Variants in YY1 observed in about 807,000 individuals in gnomAD.
YY1 encodes YY1 transcription factor, also known as transcriptional repressor protein YY1.
A neutral mutation model predicts 35.6 loss-of-function variants in YY1; 2 were observed. The observed-to-expected ratio is 0.06, with a 90% CI of 0.02 to 0.18. The LOEUF (loss-of-function observed/expected upper bound fraction) is 0.18. YY1 is among the 10% of genes least tolerant of loss of function. The probability of loss-of-function intolerance (pLI) is 1.00; values close to 1 mark genes in which losing one functional copy is unlikely to be tolerated. For missense variants in YY1, 322 were observed against 573.4 expected (o/e 0.56, Z 4.48); for synonymous variants, 268 against 238.9 (o/e 1.12, Z -1.12).
chr14:100,248,445 T>A (rs1191674375), intron 1 of YY1, among the ~76,000 whole-genome samples: 2 of 151,914 alleles, frequency 1.3e-5, no homozygotes, highest in African/African-American at 4.8e-5. Flanking sequence ...AAAGCAAGAG[T>A]CTTCCATTTT....
intron 2 of YY1, among the ~76,000 whole-genome samples, chr14:100,265,008 A>G (rs2139592401): frequency 6.6e-6 from 1 of 152,110 alleles, no homozygotes; most frequent in South Asian, 2.1e-4. Context: ...TCGTTTGAAC[A>G]TGGGAGGTCA....
intron 1 of YY1, among the ~76,000 whole-genome samples, chr14:100,256,531 T>A (rs530677980): frequency 1.3e-5 from 2 of 152,364 alleles, no homozygotes; most frequent in South Asian, 4.1e-4. Flanking sequence ...GAATGGAATG[T>A]TGTTATATGT....
In YY1 at chr14:100,249,924, C is replaced by T. The variant is rs984404618; in HGVS notation, c.679+10001C>T. Reference sequence around the variant, plus strand: ...GAGTAGCTGAGACTGCAGGTGCCTGCCACCACACCTAGCTAATTTTGTATT... The same window carrying T: ...GAGTAGCTGAGACTGCAGGTGCCTGTCACCACACCTAGCTAATTTTGTATT... On this transcript the variant is annotated intron_variant, in intron 1 of 4. Transcript: ENST00000262238. 2.0e-5 allele frequency among the ~76,000 whole-genome samples: 3 copies of T among 152,078 alleles called. No homozygotes were observed. In the East Asian group the frequency reaches 5.8e-4, roughly 29 times the overall value.
rs10694000 is a variant in YY1 at position 100,248,121 on chromosome 14, C to CTTT, written c.679+8210_679+8212dup. On this transcript the variant is annotated intron_variant, in intron 1 of 4. Transcript: ENST00000262238. ...CACCACGCCCGGCTAATTTTTTTTT[C>CTTT]TTTTTTTTTTTTTTGAGACAGTCTC... Among the ~76,000 whole-genome samples the CTTT allele has an allele frequency of 3.8e-3, 447 of 117,604 alleles. 13 individuals are homozygous for CTTT. The highest frequency in any genetic ancestry group is 5.1e-3 in the Non-Finnish European group (307 of 60,492). The allele number at this position is 117,604 out of a possible 152,430, so 77.2% of individuals were successfully genotyped here.
chr14:100,272,493 C>G (rs976568823), intron 2 of YY1, among the ~76,000 whole-genome samples: 3 of 151,854 alleles, frequency 2.0e-5, no homozygotes, highest in Admixed American at 6.6e-5. Context: ...CATCCTTTTC[C>G]CAGATTATAA....
chr14:100,276,791 G>C lies in YY1; in HGVS notation c.1062+143G>C. 3.9e-6 allele frequency: 5 copies of C among 1,283,606 alleles called. No homozygotes were observed. The highest frequency in any genetic ancestry group is 5.5e-6 in the Non-Finnish European group (5 of 914,736). The allele number at this position is 1,283,606 out of a possible 1,614,324, so 79.5% of individuals were successfully genotyped here. A position where few individuals can be genotyped will look rare whatever the true frequency, so the allele number is the denominator to read the frequency against. Reference sequence around the variant, plus strand: ...TTGGTGAGAAACAAAACTTCTCCTGGGGAGTCGCTTAGAAGGGTTGCCGGG... The same window carrying C: ...TTGGTGAGAAACAAAACTTCTCCTGCGGAGTCGCTTAGAAGGGTTGCCGGG... On this transcript the variant is annotated intron_variant, in intron 4 of 4. Coordinates refer to ENST00000262238, the MANE Select transcript of YY1 (RefSeq NM_003403.5). This position sits in a 1 kb window ranked among gnomAD's most constrained non-coding sequence, Gnocchi z 4.1.
intron 2 of YY1, among the ~76,000 whole-genome samples, chr14:100,264,626 C>T (rs1239554562): frequency 2.0e-5 from 3 of 152,206 alleles, no homozygotes; most frequent in Admixed American, 1.3e-4. Context: ...TGGGCAGCTA[C>T]TGCAGACTTT....
At chr14:100,262,930 C>CA (rs1891104730) in intron 2 of YY1, among the ~76,000 whole-genome samples, 1 of 150,718 alleles carries the variant, frequency 6.6e-6, no homozygotes, top group Non-Finnish European at 1.5e-5. Flanking sequence ...TTTTTTGAGA[C>CA]AAGAGTCTTG....
Position 100,260,771 on chromosome 14 carries a change from CTTTTTTTTTTTTTTTTTTTTTTTTT to C in YY1, c.680-1518_680-1494del, listed in dbSNP as rs71113254. On this transcript the variant is annotated intron_variant, in intron 1 of 4. Transcript: ENST00000262238. ...CAGGTGTGAGCCACCGTGCCTGGTC[CTTTTTTTTTTTTTTTTTTTTTTTTT>C]TTTTTTTTTTTTTTGGAGGCAGAGT... 3.9e-3 allele frequency among the ~76,000 whole-genome samples: 164 copies of C among 42,568 alleles called. 1 individual carries two copies. Among genetic ancestry groups the C allele is most frequent in the East Asian group, 8.0e-3 (11 of 1,382 alleles). The allele number at this position is 42,568 out of a possible 152,430, so 27.9% of individuals were successfully genotyped here. A position where few individuals can be genotyped will look rare whatever the true frequency, so the allele number is the denominator to read the frequency against.
chr14:100,245,138 A>G lies in YY1; in HGVS notation c.679+5215A>G, dbSNP rs554798736. Among the ~76,000 whole-genome samples, 141 of 151,508 alleles carry G rather than the reference A, an allele frequency of 9.3e-4. 1 individual carries two copies. Among genetic ancestry groups the G allele is most frequent in the African/African-American group, 3.0e-3 (123 of 41,308 alleles). On this transcript the variant is annotated intron_variant, in intron 1 of 4. Transcript: ENST00000262238. ...TTTTTAGTAGAGATGGGGTTTCACCATGTTAGCCAGGATGGTCTCGATCTC... is the reference window on the plus strand; with the variant it reads ...TTTTTAGTAGAGATGGGGTTTCACCGTGTTAGCCAGGATGGTCTCGATCTC...
chr14:100,282,453 T>A lies in YY1; in HGVS notation c.*4853T>A, dbSNP rs61993676. On this transcript the variant is annotated 3_prime_UTR_variant, in exon 5 of 5. Transcript: ENST00000262238. The stretch of plus-strand genomic sequence containing the variant: ...AACGGAACAACCTCTTTTTTCTACA[T>A]TGTCCATACCCGGACATGTGAGGCT... 0.044 allele frequency: 6,662 copies of A among 152,270 alleles called. 217 individuals are homozygous for A. The highest frequency in any genetic ancestry group is 0.062 in the Non-Finnish European group (4,241 of 68,020). The allele number at this position is 152,270 out of a possible 1,614,324, so 9.4% of individuals were successfully genotyped here.
At chr14:100,272,967 T>TTTTG (rs1227367152) in intron 2 of YY1, among the ~76,000 whole-genome samples, 10 of 146,686 alleles carry the variant, frequency 6.8e-5, no homozygotes, top group African/African-American at 2.1e-4. Context: ...TTTTTTTTGT[T>TTTTG]TTTTTTTTTT....
intron 1 of YY1, among the ~76,000 whole-genome samples, chr14:100,246,484 G>A (rs1319466262): frequency 1.3e-5 from 2 of 152,192 alleles, no homozygotes; most frequent in Non-Finnish European, 2.9e-5. Context: ...GGGGTGGTGA[G>A]ACCCCACCTG....
At chr14:100,245,588 G>A (rs1890820140) in intron 1 of YY1, among the ~76,000 whole-genome samples, 2 of 152,056 alleles carry the variant, frequency 1.3e-5, no homozygotes, top group Admixed American at 1.3e-4. Flanking sequence ...TGTTACATAG[G>A]AGTAACAGTT....
chr14:100,259,288 A>C (rs1011003788), intron 1 of YY1, among the ~76,000 whole-genome samples: 1 of 152,198 alleles, frequency 6.6e-6, no homozygotes, highest in Non-Finnish European at 1.5e-5. Context: ...TGGGAGGCCA[A>C]GGCGGGTGGA....
chr14:100,241,519 T>C (rs1890741704), intron 1 of YY1, among the ~76,000 whole-genome samples: 1 of 152,218 alleles, frequency 6.6e-6, no homozygotes, highest in African/African-American at 2.4e-5. Flanking sequence ...ACAGGCGCTG[T>C]CCTGCATCCA....
chr14:100,260,078 T>TTTTGTTTG lies in YY1; in HGVS notation c.680-2210_680-2203dup, dbSNP rs201681273. On this transcript the variant is annotated intron_variant, in intron 1 of 4. Coordinates refer to ENST00000262238, the MANE Select transcript of YY1 (RefSeq NM_003403.5). ...GGATCAAAGAGGGAAGACTGGTGTT[T>TTTTGTTTG]TTTGTTTGTTTGTTTGTTTGTTTTG... Among the ~76,000 whole-genome samples, 8 of 152,006 alleles carry TTTTGTTTG rather than the reference T, an allele frequency of 5.3e-5. No individual in the cohort carries two copies. The South Asian group carries it at 1.0e-3, about 20-fold the overall frequency.
intron 1 of YY1, among the ~76,000 whole-genome samples, chr14:100,259,076 C>G (rs1891044026): frequency 6.6e-6 from 1 of 152,218 alleles, no homozygotes; most frequent in Non-Finnish European, 1.5e-5. Flanking sequence ...AAGCCAGTTT[C>G]ACTTCTGAAA....
chr14:100,277,362 TC>T lies in YY1; in HGVS notation c.1063-53del, dbSNP rs377628786. On this transcript the variant is annotated intron_variant, in intron 4 of 4. Coordinates refer to ENST00000262238, the MANE Select transcript of YY1 (RefSeq NM_003403.5). The surrounding 1 kb of genome is among the most constrained non-coding windows in gnomAD (Gnocchi z 5.6). Reference sequence around the variant, plus strand: ...TCTAGCAAAGCAGTGAGCTCCTGACTCCCAGGGTCTGGTCAGAGTTGCTGAG... The same window carrying T: ...TCTAGCAAAGCAGTGAGCTCCTGACTCCAGGGTCTGGTCAGAGTTGCTGAG... 17 of 1,604,004 alleles carry T rather than the reference TC, an allele frequency of 1.1e-5. No individual in the cohort carries two copies. In the African/African-American group the frequency reaches 2.3e-4, roughly 21 times the overall value.
Sources: gnomAD v4.1 joint callset for allele counts (sites outside exome capture counted in the v4.1 genomes callset) on GRCh38, gnomAD v4.1.1 for gene constraint, Gnocchi (gnomAD v3.1) non-coding constraint, MANE v1.5 for transcripts, NCBI Gene and HGNC (gene_info 2026-07-23, HGNC 2026-07-21) for gene names.